ATF7IP: variants seen among roughly 807,000 people sequenced by gnomAD.
ATF7IP encodes the protein activating transcription factor 7 interacting protein.
In ATF7IP, 23 loss-of-function variants were observed where a neutral mutation model predicts 106.4. The ratio of observed to expected loss-of-function variants is 0.22; its 90% CI spans 0.16 to 0.31. ATF7IP has a LOEUF of 0.31. ATF7IP is among the 10% of genes least tolerant of loss of function. ATF7IP has a pLI of 1.00. For synonymous variants in ATF7IP, 542 were observed against 539.0 expected (o/e 1.01, Z -0.08); for missense variants, 1,334 against 1,524.3 (o/e 0.88, Z 2.08).
At chr12:14,369,771 ATTTTTTT>A (rs1418577675) in intron 1 of ATF7IP, among the ~76,000 whole-genome samples, 1 of 137,872 alleles carries the variant, frequency 7.3e-6, no homozygotes, top group African/African-American at 3.6e-5. Context: ...GCTAGTTTCC[ATTTTTTT>A]CCAGATATCT....
chr12:14,430,243 G>A (rs1942051463), intron 2 of ATF7IP, among the ~76,000 whole-genome samples: 2 of 152,138 alleles, frequency 1.3e-5, no homozygotes, highest in Non-Finnish European at 2.9e-5. Flanking sequence ...TAAGGTAACC[G>A]TTTACTATAT....
At chr12:14,449,455 G>C (rs1439219990) in intron 6 of ATF7IP, among the ~76,000 whole-genome samples, 1 of 151,964 alleles carries the variant, frequency 6.6e-6, no homozygotes, top group Non-Finnish European at 1.5e-5. Context: ...CCGTATATGT[G>C]AGTTTATTTC....
chr12:14,498,062 C>T lies in ATF7IP; in HGVS notation c.3802C>T (p.Gln1268Ter), dbSNP rs1054344122. 5 of 1,584,472 alleles carry T rather than the reference C, an allele frequency of 3.2e-6. No individual in the cohort carries two copies. The highest frequency in any genetic ancestry group is 3.4e-6 in the Non-Finnish European group (4 of 1,159,850). The change falls in exon 15 of 15, where the codon CAG becomes TAG. Residue 1268 changes from glutamine to a stop codon, truncating the protein, a stop_gained. Transcript: ENST00000261168. LOFTEE classifies it high-confidence loss of function. ...GTCAACAGATGTGATCTCTTCTACC[C>T]AGAGCAGTTAAACCTTGGAGCCTTT... Reference protein sequence around the residue: ...PQSTDVISSTQSS With the variant: ...PQSTDVISST
chr12:14,410,221 A>T (rs532161928), intron 1 of ATF7IP, among the ~76,000 whole-genome samples: 5 of 152,276 alleles, frequency 3.3e-5, no homozygotes, highest in African/African-American at 9.6e-5. Flanking sequence ...AGCTGTCTGT[A>T]GTCAACCGTG....
At chr12:14,485,056 A>T (rs1944555649) in intron 13 of ATF7IP, among the ~76,000 whole-genome samples, 1 of 152,046 alleles carries the variant, frequency 6.6e-6, no homozygotes, top group African/African-American at 2.4e-5. Context: ...ACTGTGATTC[A>T]TCTGTGGGGT....
chr12:14,389,871 G>A (rs1314277775), intron 1 of ATF7IP, among the ~76,000 whole-genome samples: 2 of 152,128 alleles, frequency 1.3e-5, no homozygotes, highest in Non-Finnish European at 2.9e-5. Context: ...TGATCCGCCC[G>A]CCTCGGCCTC....
At chr12:14,409,987 C>T (rs1051587521) in intron 1 of ATF7IP, among the ~76,000 whole-genome samples, 2 of 152,066 alleles carry the variant, frequency 1.3e-5, no homozygotes, top group Non-Finnish European at 2.9e-5. Context: ...TGGTTTTCAG[C>T]ATATTCACAG....
chr12:14,421,659 A>G (rs1294093811), intron 1 of ATF7IP, among the ~76,000 whole-genome samples: 2 of 152,178 alleles, frequency 1.3e-5, no homozygotes, highest in Non-Finnish European at 2.9e-5. Context: ...CTATCCGAAT[A>G]AGGTCACATT....
At chr12:14,443,610 G>A (rs1255318828) in intron 5 of ATF7IP, among the ~76,000 whole-genome samples, 1 of 152,140 alleles carries the variant, frequency 6.6e-6, no homozygotes, top group Admixed American at 6.5e-5. Flanking sequence ...GAAACCTGTT[G>A]TAAATATCAT....
intron 1 of ATF7IP, among the ~76,000 whole-genome samples, chr12:14,373,461 CTTTCT>C (rs1458132299): frequency 4.6e-5 from 7 of 152,118 alleles, no homozygotes; most frequent in African/African-American, 1.7e-4. Flanking sequence ...AGTGCATATT[CTTTCT>C]TTTGAGAGCA....
At chr12:14,481,579 C>T (rs559181126) in intron 13 of ATF7IP, 64 of 423,798 alleles carry the variant, frequency 1.5e-4, no homozygotes, top group Middle Eastern at 1.0e-3. Flanking sequence ...ATAACCAAAA[C>T]TAATCTATTA....
chr12:14,394,158 C>A (rs1043118078), intron 1 of ATF7IP, among the ~76,000 whole-genome samples: 4 of 152,134 alleles, frequency 2.6e-5, no homozygotes, highest in African/African-American at 9.7e-5. Flanking sequence ...AAGAGCACAT[C>A]TACTTAATAA....
chr12:14,453,698 C>T (rs1234281566), intron 6 of ATF7IP, among the ~76,000 whole-genome samples: 2 of 151,970 alleles, frequency 1.3e-5, no homozygotes, highest in African/African-American at 4.8e-5. Context: ...AATCTCCACT[C>T]ACTGCAACCT....
chr12:14,386,382 T>C (rs1939240270), intron 1 of ATF7IP, among the ~76,000 whole-genome samples: 1 of 152,118 alleles, frequency 6.6e-6, no homozygotes, highest in Non-Finnish European at 1.5e-5. Flanking sequence ...AATACTTAAA[T>C]TGCAGTACCT....
At chr12:14,466,698 A>G (rs947693644) in intron 10 of ATF7IP, 108 bp downstream of exon 10, 2 of 847,824 alleles carry the variant, frequency 2.4e-6, no homozygotes, top group South Asian at 1.7e-5. Context: ...TGTGTTTTTT[A>G]TAACTATCCA....
At chr12:14,371,017 CATTAA>C (rs1938514695) in intron 1 of ATF7IP, among the ~76,000 whole-genome samples, 1 of 151,242 alleles carries the variant, frequency 6.6e-6, no homozygotes, top group African/African-American at 2.4e-5. Flanking sequence ...TCCTTGGTAT[CATTAA>C]ATTATTATAT....
intron 13 of ATF7IP, among the ~76,000 whole-genome samples, chr12:14,485,204 G>T (rs1049500377): frequency 1.3e-5 from 2 of 151,956 alleles, no homozygotes; most frequent in African/African-American, 4.8e-5. Flanking sequence ...TCCTGTTCTG[G>T]ACCGCACTCA....
chr12:14,438,232 A>G lies in ATF7IP; in HGVS notation c.1894A>G (p.Asn632Asp). ...AACACGAGTGGAAAAGATTGAATGT[A>G]ACAAGAGGCATAAAACAGTTCTCAC... Reference protein sequence around the residue: ...LKTRVEKIECNKRHKTVLTEL... With the variant: ...LKTRVEKIECDKRHKTVLTEL... Residue 632 changes from asparagine to aspartate, a missense_variant, in exon 5 of 15, where the codon AAC (asparagine) becomes GAC (aspartate). Coordinates refer to ENST00000261168, the MANE Select transcript of ATF7IP (RefSeq NM_018179.5). The G allele has an allele frequency of 1.9e-6, 3 of 1,613,024 alleles. No individual in the cohort carries two copies. The highest frequency in any genetic ancestry group is 1.7e-6 in the Non-Finnish European group (2 of 1,179,876).
chr12:14,495,449 G>A lies in ATF7IP; in HGVS notation c.3281-782G>A, dbSNP rs540005702. 5.9e-5 allele frequency among the ~76,000 whole-genome samples: 9 copies of A among 152,326 alleles called. No homozygotes were observed. In the South Asian group the frequency reaches 1.0e-3, roughly 18 times the overall value. On this transcript the variant is annotated intron_variant, in intron 13 of 14. Coordinates refer to ENST00000261168, the MANE Select transcript of ATF7IP (RefSeq NM_018179.5). ...TCAACTCTCTCAAGTTTACAAGAGCGTTGTCTGGGAAAATTAATCAACAAG... is the reference window on the plus strand; with the variant it reads ...TCAACTCTCTCAAGTTTACAAGAGCATTGTCTGGGAAAATTAATCAACAAG...
Sources: allele counts gnomAD v4.1 joint callset (sites outside exome capture counted in the v4.1 genomes callset), GRCh38; gene constraint gnomAD v4.1.1; transcripts MANE v1.5; gene names NCBI Gene and HGNC (gene_info 2026-07-23, HGNC 2026-07-21).